ANKRD30BL: variants seen among roughly 807,000 people sequenced by gnomAD.
The protein encoded by ANKRD30BL is ankyrin repeat domain 30B like.
ANKRD30BL carries 20 observed loss-of-function variants against 18.4 expected under a neutral mutation model. That is an observed-to-expected ratio of 1.09 (90% CI 0.77 to 1.58). The LOEUF is 1.58. Ranked by LOEUF, ANKRD30BL falls within the 40% of genes most tolerant of loss-of-function variation. The pLI is 0.00. For missense variants in ANKRD30BL, 224 were observed against 268.6 expected (o/e 0.83, Z 1.16); for synonymous variants, 72 against 100.9 (o/e 0.71, Z 1.72).
rs545321552 is a variant in ANKRD30BL, at chr2:132,205,882, T to C, written n.442-48736A>G. ...TGAGATTTCAATGGGTGAAAGAGGC[T>C]GGGCACAGTGGCTCATGCCTGTAAT... On this transcript the variant is annotated intron_variant and non_coding_transcript_variant, in intron 1 of 4. Coordinates refer to the ANKRD30BL transcript ENST00000470729. Among the ~76,000 whole-genome samples, 438 of 152,164 alleles carry C rather than the reference T, an allele frequency of 2.9e-3. 2 individuals are homozygous for C. The highest frequency in any genetic ancestry group is 9.5e-3 in the African/African-American group (395 of 41,534).
At chr2:132,166,985 T>A (rs1688198276) in intron 1 of ANKRD30BL, among the ~76,000 whole-genome samples, 1 of 151,702 alleles carries the variant, frequency 6.6e-6, no homozygotes, top group Non-Finnish European at 1.5e-5. Context: ...AGTTGTGATT[T>A]CATTTTCATT....
intron 1 of ANKRD30BL, among the ~76,000 whole-genome samples, chr2:132,235,177 G>A (rs1193020636): frequency 2.0e-5 from 3 of 152,114 alleles, no homozygotes; most frequent in South Asian, 2.1e-4. Context: ...AGGTATTGAT[G>A]GGACATATTT....
At chr2:132,225,653 T>C (rs75036524) in intron 1 of ANKRD30BL, among the ~76,000 whole-genome samples, 3 of 151,800 alleles carry the variant, frequency 2.0e-5, no homozygotes, top group Non-Finnish European at 2.9e-5. Context: ...TCGTTGGAAA[T>C]GGGAATATCT....
intron 1 of ANKRD30BL, 32 bp downstream of exon 1, chr2:132,161,456 C>T: frequency 7.0e-7 from 1 of 1,435,850 alleles, no homozygotes; most frequent in Non-Finnish European, 9.6e-7. Context: ...TCCTCCTCCT[C>T]CTGCAGCCCC....
chr2:132,221,194 G>C (rs1374953194), intron 1 of ANKRD30BL, among the ~76,000 whole-genome samples: 2 of 146,276 alleles, frequency 1.4e-5, no homozygotes, highest in South Asian at 2.1e-4. Context: ...GGGAGGTGGG[G>C]GGGGGTCAGC....
chr2:132,199,421 A>G lies in ANKRD30BL; in HGVS notation n.442-42275T>C, dbSNP rs1233336853. Among the ~76,000 whole-genome samples, 5 of 152,194 alleles carry G rather than the reference A, an allele frequency of 3.3e-5. No homozygotes were observed. The East Asian group carries it at 5.8e-4, about 18-fold the overall frequency. On this transcript the variant is annotated intron_variant and non_coding_transcript_variant, in intron 1 of 4. Transcript: ENST00000470729. ...TTCTATCTGCCAGGCACTGTGCTAA[A>G]TACTTTGCATGAAGATGATAATTTT...
At chr2:132,153,181 A>G (rs1181868641) in intron 4 of ANKRD30BL, among the ~76,000 whole-genome samples, 1 of 152,170 alleles carries the variant, frequency 6.6e-6, no homozygotes, top group African/African-American at 2.4e-5. Context: ...TGACTTGTAC[A>G]AAAGGAATGT....
At chr2:132,216,867 A>ATCTGCAAC (rs1679519322) in intron 1 of ANKRD30BL, among the ~76,000 whole-genome samples, 1 of 152,142 alleles carries the variant, frequency 6.6e-6, no homozygotes, top group Admixed American at 6.6e-5. Context: ...TTCTTGTAGA[A>ATCTGCAAC]TCTGCAACTG....
chr2:132,245,467 AT>A (rs1287460112), intron 1 of ANKRD30BL, among the ~76,000 whole-genome samples: 1 of 151,126 alleles, frequency 6.6e-6, no homozygotes. Flanking sequence ...AGACAGAAGC[AT>A]TCTCAGAAAC....
intron 1 of ANKRD30BL, among the ~76,000 whole-genome samples, chr2:132,204,311 A>G (rs1205777875): frequency 6.6e-6 from 1 of 151,930 alleles, no homozygotes; most frequent in African/African-American, 2.4e-5. Context: ...GTCTCTCAAT[A>G]TCAGTGATTT....
intron 1 of ANKRD30BL, among the ~76,000 whole-genome samples, chr2:132,254,948 C>T (rs1247098889): frequency 6.6e-6 from 1 of 152,152 alleles, no homozygotes; most frequent in Admixed American, 6.5e-5. Flanking sequence ...GTGAGTTTTC[C>T]CATGTTGAGT....
chr2:132,198,515 G>A (rs1395724501), intron 1 of ANKRD30BL, among the ~76,000 whole-genome samples: 1 of 151,026 alleles, frequency 6.6e-6, no homozygotes, highest in Non-Finnish European at 1.5e-5. Context: ...AGTAGAGACG[G>A]GGTTTCACTG....
chr2:132,208,906 T>G (rs1679263698), intron 1 of ANKRD30BL, among the ~76,000 whole-genome samples: 1 of 151,918 alleles, frequency 6.6e-6, no homozygotes, highest in African/African-American at 2.4e-5. Flanking sequence ...CTCACAGAGT[T>G]GAACTTTTCT....
intron 1 of ANKRD30BL, among the ~76,000 whole-genome samples, chr2:132,208,213 C>T (rs1679247988): frequency 6.6e-6 from 1 of 152,120 alleles, no homozygotes; most frequent in African/African-American, 2.4e-5. Flanking sequence ...CAGCTGACAT[C>T]CTTCTTAACA....
At chr2:132,255,325 A>T (rs1449347892) in intron 1 of ANKRD30BL, among the ~76,000 whole-genome samples, 4 of 152,016 alleles carry the variant, frequency 2.6e-5, no homozygotes, top group Non-Finnish European at 5.9e-5. Flanking sequence ...AACAAAATAG[A>T]ACTGTGGTCC....
intron 3 of ANKRD30BL, chr2:132,156,429 A>AT (rs1349501890): frequency 6.6e-6 from 1 of 152,182 alleles, no homozygotes; most frequent in Non-Finnish European, 1.5e-5. Context: ...GTACTATGAG[A>AT]GAGGAATTGA....
chr2:132,161,938 T>TGAGCAGAACCTTTAGGCAGCC lies in ANKRD30BL; in HGVS notation c.-234_-233insGGCTGCCTAAAGGTTCTGCTC. 1.9e-6 allele frequency: 1 copy of TGAGCAGAACCTTTAGGCAGCC among 521,388 alleles called. No individual in the cohort carries two copies. Among genetic ancestry groups the TGAGCAGAACCTTTAGGCAGCC allele is most frequent in the South Asian group, 2.3e-5 (1 of 42,958 alleles). 32.3% of individuals were successfully genotyped at this position (521,388 alleles called of 1,614,324 possible). The stretch of plus-strand genomic sequence containing the variant: ...CACCTGAGCAGAACCTTTAGGCAGC[T>TGAGCAGAACCTTTAGGCAGCC]GAGCAGAACCGTTAGGCAACAGCGC... On this transcript the variant is annotated 5_prime_UTR_variant, in exon 1 of 6. Transcript: ENST00000409867.
At chr2:132,203,895 C>A (rs866222187) in intron 1 of ANKRD30BL, among the ~76,000 whole-genome samples, 49 of 152,208 alleles carry the variant, frequency 3.2e-4, no homozygotes, top group African/African-American at 1.1e-3. Flanking sequence ...TAGATACTTT[C>A]AGATGGCTTG....
chr2:132,255,145 C>T (rs34222945), intron 1 of ANKRD30BL, among the ~76,000 whole-genome samples: 6 of 152,232 alleles, frequency 3.9e-5, no homozygotes, highest in African/African-American at 1.4e-4. Flanking sequence ...GGAATTACAA[C>T]GGTATCTGAT....
Sources: gnomAD v4.1 joint callset for allele counts (sites outside exome capture counted in the v4.1 genomes callset) on GRCh38, gnomAD v4.1.1 for gene constraint, MANE v1.5 for transcripts, NCBI Gene and HGNC (gene_info 2026-07-23, HGNC 2026-07-21) for gene names.